Variants in SRFBP1 observed in about 807,000 individuals in gnomAD.
SRFBP1 encodes serum response factor-binding protein 1.
In SRFBP1, 47 loss-of-function variants were observed where a neutral mutation model predicts 45.5. That is an observed-to-expected ratio of 1.03 (90% CI 0.82 to 1.32). The LOEUF is 1.32. Ranked by LOEUF, SRFBP1 falls within the 40% of genes most tolerant of loss-of-function variation. The pLI, the probability that SRFBP1 is intolerant of heterozygous loss-of-function variation, is 0.00. For synonymous variants in SRFBP1, 203 were observed against 166.3 expected (o/e 1.22, Z -1.70); for missense variants, 621 against 484.6 (o/e 1.28, Z -2.64).
At chr5:122,077,694 G>A (rs199790528), downstream of SRFBP1, 58 of 1,597,140 alleles carry the variant, frequency 3.6e-5, no homozygotes, top group East Asian at 1.3e-3. The surrounding 1 kb of genome is among the most constrained non-coding windows in gnomAD (Gnocchi z 4.9). Flanking sequence ...GCGGCGGTGC[G>A]GTTGTCGCGG....
rs1380180716 is a variant in SRFBP1, at chr5:122,026,996, G to A, written c.1160G>A (p.Gly387Glu). The A allele has an allele frequency of 1.2e-6, 2 of 1,612,604 alleles. No homozygotes were observed. The highest frequency in any genetic ancestry group is 1.3e-5 in the African/African-American group (1 of 74,538). Residue 387 changes from glycine (G) to glutamate (E), a missense_variant, in exon 8 of 8, where the codon GGA (glycine) becomes GAA (glutamate). By Grantham distance (98) the Gly-to-Glu change is moderately conservative. Coordinates refer to ENST00000339397, the MANE Select transcript of SRFBP1 (RefSeq NM_152546.3). ...IKNQFNKKLS[G>E]RLENTKQQLQ... ...AATCAGTTTAATAAGAAGCTATCAG[G>A]AAGACTTGAAAATACAAAACAGCAA...
chr5:122,077,962 G>A, downstream of SRFBP1: 2 of 1,474,450 alleles, frequency 1.4e-6, no homozygotes, highest in Non-Finnish European at 1.8e-6. This position sits in a 1 kb window ranked among gnomAD's most constrained non-coding sequence, Gnocchi z 4.9. Flanking sequence ...GCCCGAGCAG[G>A]AGCACGGTCC....
At chr5:122,067,612 C>G (rs1754333928) in intron 2 of SRFBP1, among the ~76,000 whole-genome samples, 2 of 152,130 alleles carry the variant, frequency 1.3e-5, no homozygotes, top group South Asian at 4.1e-4. Flanking sequence ...TTCAGCCTCC[C>G]ACTGCCTCCA....
At chr5:122,063,074 T>A (rs1754208123) in intron 2 of SRFBP1, 1 of 151,874 alleles carries the variant, frequency 6.6e-6, no homozygotes, top group Non-Finnish European at 1.5e-5. Flanking sequence ...GTGACCTAAT[T>A]AAACAATTTT....
chr5:122,031,192 A>T (rs1455713107), downstream of SRFBP1, among the ~76,000 whole-genome samples: 1 of 152,244 alleles, frequency 6.6e-6, no homozygotes, highest in Admixed American at 6.5e-5. Flanking sequence ...TATTTCATAC[A>T]CAACAAAGAA....
chr5:122,050,738 G>A (rs1335170656), intron 2 of SRFBP1, among the ~76,000 whole-genome samples: 2 of 151,902 alleles, frequency 1.3e-5, no homozygotes, highest in African/African-American at 4.8e-5. Context: ...ATTTTTTAAT[G>A]TCTCAATTTC....
At chr5:121,964,204 T>A (rs547796633) in intron 1 of SRFBP1, among the ~76,000 whole-genome samples, 1 of 152,264 alleles carries the variant, frequency 6.6e-6, no homozygotes, top group African/African-American at 2.4e-5. Context: ...TCTTTTTTTT[T>A]TATATGTATA....
downstream of SRFBP1, chr5:122,077,324 G>A (rs754642286): frequency 1.2e-6 from 2 of 1,613,022 alleles, no homozygotes; most frequent in Non-Finnish European, 1.7e-6. The surrounding 1 kb of genome is among the most constrained non-coding windows in gnomAD (Gnocchi z 4.9). Flanking sequence ...CCAGGTGCAC[G>A]GGTGCTTCCA....
intron 7 of SRFBP1, among the ~76,000 whole-genome samples, chr5:122,026,491 T>A (rs1299976337): frequency 6.6e-6 from 1 of 152,198 alleles, no homozygotes; most frequent in Admixed American, 6.5e-5. Context: ...TAAAAATGAG[T>A]AAGCACTATC....
intron 4 of SRFBP1, among the ~76,000 whole-genome samples, chr5:122,002,227 C>G (rs995032552): frequency 6.6e-6 from 1 of 152,162 alleles, no homozygotes; most frequent in Non-Finnish European, 1.5e-5. Flanking sequence ...CAGATTAACA[C>G]AATCAGCAAG....
At chr5:122,024,034 A>G (rs1206622951) in intron 7 of SRFBP1, among the ~76,000 whole-genome samples, 1 of 152,190 alleles carries the variant, frequency 6.6e-6, no homozygotes, top group Non-Finnish European at 1.5e-5. Context: ...TGCTGTGGGC[A>G]ACTTTTCTTA....
intron 2 of SRFBP1, among the ~76,000 whole-genome samples, chr5:122,051,834 T>C (rs1467940795): frequency 1.3e-5 from 2 of 152,200 alleles, no homozygotes; most frequent in Non-Finnish European, 2.9e-5. Flanking sequence ...TTTGTGTGGT[T>C]GCTTTGTAGT....
At chr5:122,028,872 G>T (rs970213207), downstream of SRFBP1, among the ~76,000 whole-genome samples, 1 of 152,144 alleles carries the variant, frequency 6.6e-6, no homozygotes, top group Non-Finnish European at 1.5e-5. Context: ...AGGAGTTACG[G>T]TCCAAGTAAA....
At chr5:121,983,330 A>G (rs1283960461) in intron 3 of SRFBP1, among the ~76,000 whole-genome samples, 5 of 151,732 alleles carry the variant, frequency 3.3e-5, no homozygotes, top group Non-Finnish European at 5.9e-5. Context: ...GAATCTTCAG[A>G]CTAATGTAAT....
chr5:122,032,665 AC>A (rs1376630809), downstream of SRFBP1, among the ~76,000 whole-genome samples: 2 of 152,214 alleles, frequency 1.3e-5, no homozygotes, highest in African/African-American at 4.8e-5. Flanking sequence ...AATTTACTAA[AC>A]CACTCTTCTA....
At chr5:122,029,430 G>A (rs937946663), downstream of SRFBP1, among the ~76,000 whole-genome samples, 1 of 152,014 alleles carries the variant, frequency 6.6e-6, no homozygotes, top group Non-Finnish European at 1.5e-5. Flanking sequence ...TTTTTTTCCT[G>A]GTCTTAGTTA....
chr5:122,068,876 CTAAT>C (rs1689973902), intron 2 of SRFBP1, among the ~76,000 whole-genome samples: 1 of 151,880 alleles, frequency 6.6e-6, no homozygotes, highest in African/African-American at 2.4e-5. Flanking sequence ...TAAGAAAAAA[CTAAT>C]CTGTTTATTT....
chr5:122,064,275 G>A (rs1005205281), intron 2 of SRFBP1: 8 of 151,764 alleles, frequency 5.3e-5, no homozygotes, highest in African/African-American at 1.9e-4. Flanking sequence ...TTATCTTTGA[G>A]TTTCGGCAGT....
rs375856994 is a variant in SRFBP1, at chr5:122,028,348, A to G, written c.*1222A>G. ...CAGCCGGGCGTGGTGACTCATGCCT[A>G]TAATCCCAGCACTTTGGGAGGCTGA... On this transcript the variant is annotated 3_prime_UTR_variant, in exon 8 of 8. Transcript: ENST00000339397. The G allele has an allele frequency of 2.6e-5, 4 of 152,284 alleles. No homozygotes were observed. Among genetic ancestry groups the G allele is most frequent in the South Asian group, 2.1e-4 (1 of 4,826 alleles). 9.4% of individuals were successfully genotyped at this position (152,284 alleles called of 1,614,324 possible). A position where few individuals can be genotyped will look rare whatever the true frequency, so the allele number is the denominator to read the frequency against.
Sources: allele counts gnomAD v4.1 joint callset (sites outside exome capture counted in the v4.1 genomes callset), GRCh38; gene constraint gnomAD v4.1.1; non-coding constraint Gnocchi (gnomAD v3.1); transcripts MANE v1.5; gene names NCBI Gene and HGNC (gene_info 2026-07-23, HGNC 2026-07-21).